PLEKHM1: variants seen among roughly 807,000 people sequenced by gnomAD.
The protein encoded by PLEKHM1 is pleckstrin homology domain-containing family M member 1.
In PLEKHM1, 28 loss-of-function variants were observed where a neutral mutation model predicts 94.3. The observed-to-expected ratio is 0.30, with a 90% CI of 0.22 to 0.41. The LOEUF (loss-of-function observed/expected upper bound fraction) is 0.41. Ranked by LOEUF, PLEKHM1 falls within the 10% of genes least tolerant of loss-of-function variation. PLEKHM1 has a pLI of 1.00. For synonymous variants in PLEKHM1, 424 were observed against 581.2 expected (o/e 0.73, Z 3.89); for missense variants, 907 against 1,358.6 (o/e 0.67, Z 5.22).
chr17:45,487,753 G>T lies in PLEKHM1; in HGVS notation c.-42+2899C>A, dbSNP rs1040622052. 47 of 456,080 alleles carry T rather than the reference G, an allele frequency of 1.0e-4. No homozygotes were observed. The Admixed American group carries it at 1.1e-3, about 11-fold the overall frequency. 28.3% of individuals were successfully genotyped at this position (456,080 alleles called of 1,614,324 possible). A position where few individuals can be genotyped will look rare whatever the true frequency, so the allele number is the denominator to read the frequency against. ...GTTAAAAGAAGAAAGGGATAACCTG[G>T]TTCCACCACTCTCAAAACACTCCAC... On this transcript the variant is annotated intron_variant, in intron 1 of 11. Coordinates refer to ENST00000430334, the MANE Select transcript of PLEKHM1 (RefSeq NM_014798.3).
rs1322136720 is a variant in PLEKHM1 at position 45,437,190 on chromosome 17, A to C, written c.*668T>G. 8.8e-6 allele frequency: 4 copies of C among 452,444 alleles called. No individual in the cohort carries two copies. Among genetic ancestry groups the C allele is most frequent in the African/African-American group, 6.0e-5 (3 of 49,972 alleles). The allele number at this position is 452,444 out of a possible 1,614,324, so 28.0% of individuals were successfully genotyped here. A position where few individuals can be genotyped will look rare whatever the true frequency, so the allele number is the denominator to read the frequency against. On this transcript the variant is annotated 3_prime_UTR_variant, in exon 12 of 12. Coordinates refer to ENST00000430334, the MANE Select transcript of PLEKHM1 (RefSeq NM_014798.3). The surrounding 1 kb of genome is among the most constrained non-coding windows in gnomAD (Gnocchi z 4.0). ...GCAGGCGAGACGCACTGGGGTGGGGAGTAAAGAGGACACAGAGGAACCGGG... is the reference window on the plus strand; with the variant it reads ...GCAGGCGAGACGCACTGGGGTGGGGCGTAAAGAGGACACAGAGGAACCGGG...
At chr17:45,438,100 G>C in intron 11 of PLEKHM1, 131 bp from the exon 12 acceptor site, 2 of 708,938 alleles carry the variant, frequency 2.8e-6, no homozygotes, top group South Asian at 3.0e-5. Flanking sequence ...CACGCACACC[G>C]TGCCTCTCCG....
In PLEKHM1 at chr17:45,437,080, A is replaced by C. The variant is rs1485803611; in HGVS notation, c.*778T>G. On this transcript the variant is annotated 3_prime_UTR_variant, in exon 12 of 12. Coordinates refer to ENST00000430334, the MANE Select transcript of PLEKHM1 (RefSeq NM_014798.3). This position sits in a 1 kb window ranked among gnomAD's most constrained non-coding sequence, Gnocchi z 4.0. ...CAAAGTGCTGACAGTGCTGGTTTCC[A>C]GTCATTTCTCCTTCTCCTAATGGGG... 1 of 454,530 alleles carries C rather than the reference A, an allele frequency of 2.2e-6. No homozygotes were observed. Among genetic ancestry groups the C allele is most frequent in the East Asian group, 6.9e-5 (1 of 14,400 alleles). The allele number at this position is 454,530 out of a possible 1,614,324, so 28.2% of individuals were successfully genotyped here.
Position 45,475,697 on chromosome 17 carries a change from G to A in PLEKHM1, c.326C>T (p.Thr109Met), listed in dbSNP as rs1340076529. 7 of 1,612,012 alleles carry A rather than the reference G, an allele frequency of 4.3e-6. No homozygotes were observed. Among genetic ancestry groups the A allele is most frequent in the South Asian group, 1.1e-5 (1 of 90,800 alleles). Residue 109 changes from threonine (T) to methionine (M), a missense_variant, in exon 4 of 12, where the codon ACG becomes ATG. Around this residue, in one of 3 missense-constraint regions of PLEKHM1, gnomAD observed 176 missense variants for 306.0 expected, o/e 0.58. Transcript: ENST00000430334. ...KHIISELEHL[T>M]FVNTDVGRCR... is the part of the protein sequence containing the mutation. Reference sequence around the variant, plus strand: ...GCGGCCCACATCCGTGTTGACAAACGTCAGGTGCTCCAACTCTGAGATGAT... The same window carrying A: ...GCGGCCCACATCCGTGTTGACAAACATCAGGTGCTCCAACTCTGAGATGAT...
chr17:45,487,803 C>T (rs753864686), intron 1 of PLEKHM1: 6 of 456,118 alleles, frequency 1.3e-5, no homozygotes, highest in South Asian at 9.3e-5. Context: ...AACCTCTTCT[C>T]TTGAGGGACT....
At position 45,486,242 on chromosome 17, in the gene PLEKHM1, AT is replaced by A. The variant is rs1411223123; in HGVS notation, c.-41-3718del. 2.8e-3 allele frequency among the ~76,000 whole-genome samples: 411 copies of A among 145,738 alleles called. 8 individuals carry two copies. Among genetic ancestry groups the A allele is most frequent in the Middle Eastern group, 7.1e-3 (2 of 280 alleles). ...AAAAAAAAAAAGATAAAATAAAAAAATAATAATAATAATAATAATTTATGTC... is the reference window on the plus strand; with the variant it reads ...AAAAAAAAAAAGATAAAATAAAAAAAAATAATAATAATAATAATTTATGTC... On this transcript the variant is annotated intron_variant, in intron 1 of 11. Transcript: ENST00000430334.
chr17:45,440,412 TG>T, intron 9 of PLEKHM1, 186 bp from the exon 10 acceptor site: 1 of 668,276 alleles, frequency 1.5e-6, no homozygotes, highest in Non-Finnish European at 2.7e-6. Context: ...ACTAACTAGC[TG>T]GTGGGACCTT....
At chr17:45,470,807 C>T (rs1302252303) in intron 4 of PLEKHM1, among the ~76,000 whole-genome samples, 5 of 151,302 alleles carry the variant, frequency 3.3e-5, no homozygotes, top group African/African-American at 7.3e-5. Flanking sequence ...TACAGACGCC[C>T]GCCACAACGC....
intron 8 of PLEKHM1, among the ~76,000 whole-genome samples, chr17:45,449,455 T>C (rs28676425): frequency 6.6e-6 from 1 of 151,340 alleles, no homozygotes. Flanking sequence ...CCTATCTACC[T>C]ATCTACCTAC....
In PLEKHM1 at chr17:45,437,315, T is replaced by C. The variant is rs1287129448; in HGVS notation, c.*543A>G. On this transcript the variant is annotated 3_prime_UTR_variant, in exon 12 of 12. Transcript: ENST00000430334. The surrounding 1 kb of genome is among the most constrained non-coding windows in gnomAD (Gnocchi z 4.0). ...GGGCCCATAGACCCTGTCCCAGCAG[T>C]GGCCTGCCCACCAGCCACCCGCTAC... The C allele has an allele frequency of 1.3e-5, 6 of 454,036 alleles. No individual in the cohort carries two copies. Among genetic ancestry groups the C allele is most frequent in the Non-Finnish European group, 1.3e-5 (3 of 226,818 alleles). 28.1% of individuals were successfully genotyped at this position (454,036 alleles called of 1,614,324 possible). A position where few individuals can be genotyped will look rare whatever the true frequency, so the allele number is the denominator to read the frequency against.
In PLEKHM1 at chr17:45,453,256, AT is replaced by A; in HGVS notation, c.2497+98del. ...TCATCCCTAGGGGAAGGATGGGGGC[AT>A]TTGCGGGGAGGCAGAAGGGTGGGGA... On this transcript the variant is annotated intron_variant, in intron 7 of 11. Coordinates refer to ENST00000430334, the MANE Select transcript of PLEKHM1 (RefSeq NM_014798.3). The surrounding 1 kb of genome is among the most constrained non-coding windows in gnomAD (Gnocchi z 4.1). 4.4e-6 allele frequency: 5 copies of A among 1,126,696 alleles called. No individual in the cohort carries two copies. Among genetic ancestry groups the A allele is most frequent in the Middle Eastern group, 2.2e-4 (1 of 4,452 alleles). The allele number at this position is 1,126,696 out of a possible 1,614,324, so 69.8% of individuals were successfully genotyped here.
chr17:45,481,662 G>T (rs1370062403), intron 2 of PLEKHM1, among the ~76,000 whole-genome samples: 4,340 of 142,778 alleles, frequency 0.03, 240 homozygotes, highest in African/African-American at 0.11. Context: ...GGCACTGGGG[G>T]TGGGAGAGTG....
chr17:45,469,353 G>A (rs1317834349), intron 4 of PLEKHM1, among the ~76,000 whole-genome samples: 1 of 152,176 alleles, frequency 6.6e-6, no homozygotes, highest in Non-Finnish European at 1.5e-5. Context: ...ACACGTGCAT[G>A]CACACCACAC....
At chr17:45,454,407 C>A in intron 6 of PLEKHM1, 135 bp from the exon 7 acceptor site, 1 of 778,222 alleles carries the variant, frequency 1.3e-6, no homozygotes, top group Admixed American at 2.0e-5. Flanking sequence ...AGCCACGGGG[C>A]ACTATCACAT....
At chr17:45,443,793 A>C (rs1464445808) in intron 9 of PLEKHM1, among the ~76,000 whole-genome samples, 1 of 152,096 alleles carries the variant, frequency 6.6e-6, no homozygotes, top group Non-Finnish European at 1.5e-5. Context: ...GTCTCTCTGG[A>C]GCCCTGGGTC....
rs756582126 is a variant in PLEKHM1, at chr17:45,453,797, G to T, written c.2055C>A (p.Ile685=). The part of the protein sequence containing the change: ...SSAQVPEPDA[I]KESLLYLYMD... ...TGTACAAGTACAGCAGGGACTCCTT[G>T]ATGGCATCTGGCTCTGGAACCTGGG... The change falls in exon 7 of 12, where the codon ATC becomes ATA. Residue 685 remains isoleucine (I), a synonymous_variant. Transcript: ENST00000430334. The surrounding 1 kb of genome is among the most constrained non-coding windows in gnomAD (Gnocchi z 4.1). 1 of 1,614,020 alleles carries T rather than the reference G, an allele frequency of 6.2e-7. No individual in the cohort carries two copies. The highest frequency in any genetic ancestry group is 1.1e-5 in the South Asian group (1 of 91,080).
chr17:45,479,627 A>C (rs2145340243), intron 2 of PLEKHM1, among the ~76,000 whole-genome samples: 1 of 152,234 alleles, frequency 6.6e-6, no homozygotes, highest in African/African-American at 2.4e-5. Flanking sequence ...CAGAGGTTGT[A>C]CTGAGCCAAA....
At chr17:45,464,256 A>G (rs992315054) in intron 5 of PLEKHM1, among the ~76,000 whole-genome samples, 2 of 152,188 alleles carry the variant, frequency 1.3e-5, no homozygotes, top group Admixed American at 6.5e-5. Flanking sequence ...TCTGTCCCCA[A>G]AGGGCCTTTG....
Position 45,449,286 on chromosome 17 carries a change from C to T in PLEKHM1, c.2643+1332G>A, listed in dbSNP as rs1215128747. Among the ~76,000 whole-genome samples, 3 of 151,606 alleles carry T rather than the reference C, an allele frequency of 2.0e-5. No homozygotes were observed. In the East Asian group the frequency reaches 5.8e-4, roughly 30 times the overall value. ...ACCCATCCACCCAGCCATCTACCCA[C>T]CGTCCACCCATCTACCCATCTACCT... On this transcript the variant is annotated intron_variant, in intron 8 of 11. Transcript: ENST00000430334.
Sources: gnomAD v4.1 joint callset for allele counts (sites outside exome capture counted in the v4.1 genomes callset) on GRCh38, gnomAD v4.1.1 for gene constraint, gnomAD v4.1.1 regional missense constraint, Gnocchi (gnomAD v3.1) non-coding constraint, MANE v1.5 for transcripts, NCBI Gene and HGNC (gene_info 2026-07-23, HGNC 2026-07-21) for gene names.